ZNF600: variants seen among roughly 807,000 people sequenced by gnomAD.
ZNF600 encodes zinc finger protein 600.
A neutral mutation model predicts 7.3 loss-of-function variants in ZNF600; 4 were observed. The ratio of observed to expected loss-of-function variants is 0.55; its 90% CI spans 0.27 to 1.25. ZNF600 has a LOEUF of 1.25. Ranked by LOEUF, ZNF600 falls within the 50% of genes most tolerant of loss-of-function variation. ZNF600 has a pLI of 0.12. For missense variants in ZNF600, 911 were observed against 922.1 expected (o/e 0.99, Z 0.16); for synonymous variants, 290 against 308.9 (o/e 0.94, Z 0.64).
At chr19:52,796,126 G>C in the ZNF600 span, among the ~76,000 whole-genome samples, 1 of 152,144 alleles carries the variant, frequency 6.6e-6, no homozygotes, top group Non-Finnish European at 1.5e-5. Context: ...AGTGAGCTCT[G>C]ATGCTGTCAC....
intron 2 of ZNF600, among the ~76,000 whole-genome samples, chr19:52,776,815 C>A (rs2062679429): frequency 6.6e-6 from 1 of 151,992 alleles, no homozygotes; most frequent in Non-Finnish European, 1.5e-5. Flanking sequence ...GCTTATCCAC[C>A]CATGTATTCA....
chr19:52,827,515 T>C, the ZNF600 span, among the ~76,000 whole-genome samples: 1 of 151,536 alleles, frequency 6.6e-6, no homozygotes, highest in African/African-American at 2.4e-5. Context: ...TGTGAGCCCT[T>C]CCCAAGACCA....
intron 1 of ZNF600, among the ~76,000 whole-genome samples, chr19:52,783,576 C>T (rs145894216): frequency 0.011 from 1,660 of 152,142 alleles, 15 homozygotes; most frequent in Middle Eastern, 0.044. Flanking sequence ...TTAGCCAGGA[C>T]GGTCTCAATC....
At chr19:52,802,466 C>T in the ZNF600 span, among the ~76,000 whole-genome samples, 17 of 152,140 alleles carry the variant, frequency 1.1e-4, no homozygotes, top group Non-Finnish European at 2.1e-4. Flanking sequence ...GATCACCTCA[C>T]GTCAGGAGTT....
chr19:52,822,352 C>G, the ZNF600 span, among the ~76,000 whole-genome samples: 747 of 152,106 alleles, frequency 4.9e-3, 7 homozygotes, highest in African/African-American at 0.017. Flanking sequence ...GATTACAGGC[C>G]TGAGCCACTG....
the ZNF600 span, among the ~76,000 whole-genome samples, chr19:52,823,790 C>T: frequency 2.6e-5 from 4 of 151,950 alleles, no homozygotes; most frequent in South Asian, 2.1e-4. Context: ...AGGCCAGGCG[C>T]GGTGGTTCAA....
At chr19:52,822,457 T>G in the ZNF600 span, among the ~76,000 whole-genome samples, 1 of 152,174 alleles carries the variant, frequency 6.6e-6, no homozygotes, top group Non-Finnish European at 1.5e-5. Flanking sequence ...AGAAATCATC[T>G]TCATGACAAA....
chr19:52,825,605 A>G, the ZNF600 span, among the ~76,000 whole-genome samples: 2 of 152,158 alleles, frequency 1.3e-5, no homozygotes, highest in Non-Finnish European at 2.9e-5. Flanking sequence ...CCCATGAAGC[A>G]GAGGTTGCAA....
At chr19:52,809,115 T>G in the ZNF600 span, among the ~76,000 whole-genome samples, 3 of 152,204 alleles carry the variant, frequency 2.0e-5, no homozygotes, top group African/African-American at 4.8e-5. Flanking sequence ...AATCTCATCT[T>G]GCTGGAAAAG....
intron 1 of ZNF600, chr19:52,780,835 A>G (rs951769230): frequency 2.0e-5 from 3 of 152,256 alleles, no homozygotes; most frequent in Admixed American, 2.0e-4. Flanking sequence ...ACTTACAAAT[A>G]AAGTAATTTA....
At chr19:52,794,338 A>G in the ZNF600 span, among the ~76,000 whole-genome samples, 2,224 of 152,258 alleles carry the variant, frequency 0.015, 59 homozygotes, top group African/African-American at 0.051. Context: ...AAAGCCACAC[A>G]CTTATTTGGC....
the ZNF600 span, among the ~76,000 whole-genome samples, chr19:52,811,876 C>T: frequency 5.1e-5 from 7 of 135,932 alleles, no homozygotes; most frequent in East Asian, 2.3e-4. Context: ...CCGCCCCGTC[C>T]GGGAGGGAGG....
intron 2 of ZNF600, among the ~76,000 whole-genome samples, chr19:52,775,276 G>A (rs2062665230): frequency 2.6e-5 from 4 of 151,220 alleles, no homozygotes; most frequent in African/African-American, 4.9e-5. Flanking sequence ...AAACAATGCC[G>A]GGCAGTGACT....
chr19:52,795,445 AAAAT>A, the ZNF600 span, among the ~76,000 whole-genome samples: 5 of 150,520 alleles, frequency 3.3e-5, no homozygotes, highest in Non-Finnish European at 2.9e-5. Flanking sequence ...AGTGGTTAAA[AAAAT>A]ATATATATAT....
chr19:52,817,577 C>A, the ZNF600 span, among the ~76,000 whole-genome samples: 1 of 152,082 alleles, frequency 6.6e-6, no homozygotes, highest in Non-Finnish European at 1.5e-5. Context: ...CACATTAATA[C>A]TTGACTCCCA....
chr19:52,772,421 G>A (rs1441836676), intron 3 of ZNF600, among the ~76,000 whole-genome samples: 2 of 152,064 alleles, frequency 1.3e-5, no homozygotes, highest in Non-Finnish European at 2.9e-5. Flanking sequence ...TGGCCAACAT[G>A]GTGAAACCCC....
the ZNF600 span, chr19:52,797,620 A>C: frequency 6.5e-6 from 1 of 154,410 alleles, no homozygotes; most frequent in South Asian, 2.1e-4. Context: ...TAAAGAGCTT[A>C]AAGTAAGAAA....
At chr19:52,782,034 C>G (rs948369591) in intron 1 of ZNF600, among the ~76,000 whole-genome samples, 1 of 152,070 alleles carries the variant, frequency 6.6e-6, no homozygotes, top group African/African-American at 2.4e-5. Context: ...GCACTCCAGC[C>G]TGGGTGACAG....
the ZNF600 span, among the ~76,000 whole-genome samples, chr19:52,811,609 C>CT: frequency 6.8e-6 from 1 of 148,078 alleles, no homozygotes; most frequent in Admixed American, 6.6e-5. Context: ...TGAGGAGCGT[C>CT]TCTGCCCGGC....
Sources: gnomAD v4.1 joint callset for allele counts (sites outside exome capture counted in the v4.1 genomes callset) on GRCh38, gnomAD v4.1.1 for gene constraint, MANE v1.5 for transcripts, NCBI Gene and HGNC (gene_info 2026-07-23, HGNC 2026-07-21) for gene names.